The following NOP9 variants were observed in gnomAD, a reference collection of about 807,000 sequenced individuals.
NOP9 encodes nucleolar protein 9.
Under a neutral mutation model 63.0 loss-of-function variants are expected in NOP9, and 50 were observed. The ratio of observed to expected loss-of-function variants is 0.79; its 90% CI spans 0.63 to 1.00. NOP9 has a LOEUF of 1.00. Among genes scored for constraint, NOP9 ranks in the 50% least tolerant of loss-of-function variants. The pLI is 0.00. For synonymous variants in NOP9, 343 were observed against 332.8 expected, an observed-to-expected ratio of 1.03 and a Z score of -0.33; for missense variants, 758 against 803.0, an observed-to-expected ratio of 0.94 and a Z score of 0.68.
chr14:24,296,603 GA>G, upstream of NOP9: 1 of 1,614,130 alleles, frequency 6.2e-7, no homozygotes, highest in Middle Eastern at 1.7e-4. Flanking sequence ...AAGGCACAGG[GA>G]GGGTGATGAA....
chr14:24,279,304 G>A, the NOP9 span, among the ~76,000 whole-genome samples: 1 of 152,202 alleles, frequency 6.6e-6, no homozygotes, highest in Non-Finnish European at 1.5e-5. Flanking sequence ...CCATTCCTTG[G>A]ACACTTGGTT....
chr14:24,273,175 A>ATT, the NOP9 span, among the ~76,000 whole-genome samples: 1 of 146,968 alleles, frequency 6.8e-6, no homozygotes, highest in African/African-American at 2.6e-5. Flanking sequence ...TAGTGCTTTA[A>ATT]ATTTTTTTTT....
At chr14:24,299,240 T>TA (rs1223439984), upstream of NOP9, 1 of 1,066,016 alleles carries the variant, frequency 9.4e-7, no homozygotes, top group Non-Finnish European at 1.3e-6. Flanking sequence ...GGAGCCAAGG[T>TA]AAGAATCCTT....
chr14:24,297,319 C>T (rs1478788957), upstream of NOP9, among the ~76,000 whole-genome samples: 3 of 152,174 alleles, frequency 2.0e-5, no homozygotes. Context: ...CTTACCCTCA[C>T]TCCACCAATG....
chr14:24,297,020 A>C, upstream of NOP9: 18 of 1,137,376 alleles, frequency 1.6e-5, no homozygotes, highest in Non-Finnish European at 1.9e-5. Context: ...CATGGCAGGC[A>C]ACGCTGCCCT....
At position 24,303,761 on chromosome 14, in the gene NOP9, G is replaced by A. The variant is rs2041421679; in HGVS notation, c.1314G>A (p.Arg438=). 1 of 1,614,152 alleles carries A rather than the reference G, an allele frequency of 6.2e-7. No individual in the cohort carries two copies. Among genetic ancestry groups the A allele is most frequent in the Non-Finnish European group, 8.5e-7 (1 of 1,179,994 alleles). The part of the protein sequence containing the change: ...EAFHCAEPSS[R]QVACVPLFAT... ...TCCACTGTGCAGAGCCCTCATCCCG[G>A]CAAGTGGCCTGTGTGCCTCTCTTTG... The change falls in exon 7 of 10, where the codon CGG becomes CGA. Residue 438 remains arginine (R), a synonymous_variant. Transcript: ENST00000267425.
the NOP9 span, among the ~76,000 whole-genome samples, chr14:24,280,957 T>C: frequency 6.6e-6 from 1 of 151,360 alleles, no homozygotes; most frequent in African/African-American, 2.4e-5. Flanking sequence ...CGGGAGGGAG[T>C]GGACAGGGAG....
At position 24,305,167 on chromosome 14, in the gene NOP9, T is replaced by A; in HGVS notation, c.*72T>A. On this transcript the variant is annotated 3_prime_UTR_variant, in exon 10 of 10. Transcript: ENST00000267425. ...GTATCCACCCCATCCCTTTCCTGGT[T>A]TAAATTGGAGTCAGAAGTCTTAGTG... The A allele has an allele frequency of 7.5e-7, 1 of 1,335,772 alleles. No individual in the cohort carries two copies. Among genetic ancestry groups the A allele is most frequent in the Non-Finnish European group, 9.8e-7 (1 of 1,022,336 alleles). The allele number at this position is 1,335,772 out of a possible 1,614,324, so 82.7% of individuals were successfully genotyped here. A position where few individuals can be genotyped will look rare whatever the true frequency, so the allele number is the denominator to read the frequency against.
chr14:24,292,402 T>C, the NOP9 span: 8 of 1,591,530 alleles, frequency 5.0e-6, no homozygotes, highest in African/African-American at 1.3e-5. Flanking sequence ...TCTCTGCTTC[T>C]ACTGTGAATG....
the NOP9 span, among the ~76,000 whole-genome samples, chr14:24,272,342 C>T: frequency 4.6e-5 from 7 of 152,226 alleles, no homozygotes; most frequent in African/African-American, 1.7e-4. Context: ...CCAGAGACAC[C>T]TCAAACTCCA....
chr14:24,281,933 C>T, the NOP9 span, among the ~76,000 whole-genome samples: 1 of 152,178 alleles, frequency 6.6e-6, no homozygotes, highest in African/African-American at 2.4e-5. Flanking sequence ...CAGAGGCCGG[C>T]ACAGTGGCTC....
At chr14:24,275,242 G>GA in the NOP9 span, among the ~76,000 whole-genome samples, 2 of 152,172 alleles carry the variant, frequency 1.3e-5, no homozygotes, top group African/African-American at 4.8e-5. Context: ...TTGAAGAAGA[G>GA]ATTTTTACTG....
upstream of NOP9, chr14:24,298,698 T>C: frequency 2.5e-6 from 1 of 393,810 alleles, no homozygotes; most frequent in Middle Eastern, 7.1e-4. Flanking sequence ...TGCCTCAGCC[T>C]CCGGAGTAGC....
upstream of NOP9, chr14:24,298,748 AC>A (rs1369875228): frequency 4.9e-6 from 3 of 618,042 alleles, no homozygotes; most frequent in African/African-American, 3.7e-5. Flanking sequence ...CCTGGCTCAA[AC>A]ACAAAGTTTT....
intron 6 of NOP9, 31 bp downstream of exon 6, chr14:24,303,245 G>A (rs372475320): frequency 2.7e-5 from 43 of 1,613,486 alleles, no homozygotes; most frequent in Non-Finnish European, 6.8e-6. Context: ...ATCTGTTTAT[G>A]CCCTCAGTTC....
upstream of NOP9, among the ~76,000 whole-genome samples, chr14:24,295,703 C>T (rs1324431919): frequency 6.6e-6 from 1 of 152,204 alleles, no homozygotes; most frequent in African/African-American, 2.4e-5. Flanking sequence ...CCCTTTCTTG[C>T]CTTTGGCCTC....
chr14:24,292,134 C>G, the NOP9 span: 2 of 1,610,734 alleles, frequency 1.2e-6, no homozygotes, highest in South Asian at 1.1e-5. Context: ...ATTGAGGATG[C>G]AGAGGCCGAC....
chr14:24,273,806 A>T, the NOP9 span, among the ~76,000 whole-genome samples: 1 of 152,228 alleles, frequency 6.6e-6, no homozygotes, highest in Middle Eastern at 3.2e-3. Flanking sequence ...TAGCTTTGCC[A>T]CTTGCTTGTC....
chr14:24,307,978 G>A lies in NOP9; in HGVS notation c.*2883G>A. 1 of 944,084 alleles carries A rather than the reference G, an allele frequency of 1.1e-6. No individual in the cohort carries two copies. Among genetic ancestry groups the A allele is most frequent in the Non-Finnish European group, 1.7e-6 (1 of 599,030 alleles). 58.5% of individuals were successfully genotyped at this position (944,084 alleles called of 1,614,324 possible). A position where few individuals can be genotyped will look rare whatever the true frequency, so the allele number is the denominator to read the frequency against. Reference sequence around the variant, plus strand: ...TCTCAGCCCAGGACAAGGTGGGAATGAGTCAAGCCTGGACTCTGGCCCCCC... The same window carrying A: ...TCTCAGCCCAGGACAAGGTGGGAATAAGTCAAGCCTGGACTCTGGCCCCCC... On this transcript the variant is annotated 3_prime_UTR_variant, in exon 10 of 10. Coordinates refer to ENST00000267425, the MANE Select transcript of NOP9 (RefSeq NM_174913.3).
Sources: gnomAD v4.1 joint callset for allele counts (sites outside exome capture counted in the v4.1 genomes callset) on GRCh38, gnomAD v4.1.1 for gene constraint, MANE v1.5 for transcripts, NCBI Gene and HGNC (gene_info 2026-07-23, HGNC 2026-07-21) for gene names.